Variants in SNX24 observed in about 807,000 individuals in gnomAD.
SNX24 encodes the protein sorting nexin-24.
Under a neutral mutation model 28.7 loss-of-function variants are expected in SNX24, and 22 were observed. The observed-to-expected ratio is 0.77, with a 90% confidence interval of 0.55 to 1.10. The LOEUF (loss-of-function observed/expected upper bound fraction) is 1.10, where lower values mean the gene tolerates loss of function less well. SNX24 is among the 50% of genes least tolerant of loss of function. The pLI is 0.00. For missense variants in SNX24, 221 were observed against 201.1 expected (o/e 1.10, Z -0.60); for synonymous variants, 69 against 71.5 (o/e 0.96, Z 0.18).
chr5:122,947,181 C>T (rs34731044), intron 3 of SNX24, among the ~76,000 whole-genome samples: 3,807 of 152,210 alleles, frequency 0.025, 62 homozygotes, highest in Non-Finnish European at 0.037. Flanking sequence ...TGACTGTGTC[C>T]TCCCTTTGAT....
intron 3 of SNX24, among the ~76,000 whole-genome samples, chr5:122,954,730 A>G (rs993909588): frequency 1.0e-4 from 1 of 9,932 alleles, no homozygotes; most frequent in African/African-American, 1.9e-3. Flanking sequence ...CTGATTTTTA[A>G]AAAAAAATCA....
chr5:122,919,529 TGTG>T (rs1482099072), intron 1 of SNX24, among the ~76,000 whole-genome samples: 2 of 152,038 alleles, frequency 1.3e-5, no homozygotes, highest in African/African-American at 4.8e-5. Flanking sequence ...TAGTAGTTGA[TGTG>T]GTGTTTTGAC....
downstream of SNX24, among the ~76,000 whole-genome samples, chr5:123,013,236 A>G (rs1333814726): frequency 6.6e-6 from 1 of 152,236 alleles, no homozygotes; most frequent in Non-Finnish European, 1.5e-5. Flanking sequence ...TTAAGGCACT[A>G]TGTTAATTAC....
intron 6 of SNX24, 28 bp downstream of exon 6, chr5:123,002,032 C>T (rs770701142): frequency 6.4e-7 from 1 of 1,574,002 alleles, no homozygotes; most frequent in Non-Finnish European, 8.7e-7. Context: ...CTGCTAACAG[C>T]TCTTTACTGA....
Position 123,008,938 on chromosome 5 carries a change from G to A in SNX24, c.*1189G>A, listed in dbSNP as rs537392126. ...ATAGCTAGCCTATTTATGGTTATTCGTTTTAGTAAGTTCTGTGGGAGCAAG... is the reference window on the plus strand; with the variant it reads ...ATAGCTAGCCTATTTATGGTTATTCATTTTAGTAAGTTCTGTGGGAGCAAG... On this transcript the variant is annotated 3_prime_UTR_variant, in exon 7 of 7. Coordinates refer to ENST00000261369, the MANE Select transcript of SNX24 (RefSeq NM_014035.4). 16 of 985,268 alleles carry A rather than the reference G, an allele frequency of 1.6e-5. No homozygotes were observed. The highest frequency in any genetic ancestry group is 1.1e-4 in the East Asian group (1 of 8,810). 61.0% of individuals were successfully genotyped at this position (985,268 alleles called of 1,614,324 possible).
rs76593870 is a variant in SNX24 at position 122,883,185 on chromosome 5, A to G, written c.60+37492A>G. On this transcript the variant is annotated intron_variant, in intron 1 of 6. Coordinates refer to ENST00000261369, the MANE Select transcript of SNX24 (RefSeq NM_014035.4). ...ATCTTGAAATTACACGCAGAATCTT[A>G]TAGTATGTGTGTGCATGTTTCCACA... is the stretch of plus-strand genomic sequence containing the variant. Among the ~76,000 whole-genome samples, 1,291 of 152,318 alleles carry G rather than the reference A, an allele frequency of 8.5e-3. 9 individuals carry two copies. The highest frequency in any genetic ancestry group is 0.059 in the East Asian group (306 of 5,182).
At chr5:123,013,671 A>G (rs1353214066), downstream of SNX24, among the ~76,000 whole-genome samples, 1 of 152,180 alleles carries the variant, frequency 6.6e-6, no homozygotes, top group African/African-American at 2.4e-5. Context: ...GTGGTTGTAA[A>G]TCTGGCCTAT....
At chr5:122,848,885 C>CT (rs897676480) in intron 1 of SNX24, among the ~76,000 whole-genome samples, 5 of 151,962 alleles carry the variant, frequency 3.3e-5, no homozygotes, top group Non-Finnish European at 7.4e-5. Flanking sequence ...TGAGCACATA[C>CT]TTTTTTTTCT....
intron 1 of SNX24, among the ~76,000 whole-genome samples, chr5:122,906,788 A>G (rs1757661597): frequency 6.6e-6 from 1 of 152,246 alleles, no homozygotes; most frequent in Non-Finnish European, 1.5e-5. Context: ...GATTACAGGC[A>G]TGAGCCACCA....
chr5:122,867,282 A>G (rs79535175), intron 1 of SNX24, among the ~76,000 whole-genome samples: 1 of 152,312 alleles, frequency 6.6e-6, no homozygotes, highest in East Asian at 1.9e-4. Flanking sequence ...AATCAGTTCC[A>G]TGGCAGTGGA....
At chr5:123,028,176 C>T (rs995509169) in intron 5 of SNX24, among the ~76,000 whole-genome samples, 1 of 152,222 alleles carries the variant, frequency 6.6e-6, no homozygotes, top group African/African-American at 2.4e-5. Flanking sequence ...CCAAGTAGAA[C>T]TCACTTTCTG....
Position 122,986,560 on chromosome 5 carries a change from A to AT in SNX24, c.250-13349dup, listed in dbSNP as rs199875002. Among the ~76,000 whole-genome samples, 162 of 152,234 alleles carry AT rather than the reference A, an allele frequency of 1.1e-3. No homozygotes were observed. The East Asian group carries it at 0.028, about 26-fold the overall frequency. ...GCTGAGTAAAGTGAGGTTAGAAGTG[A>AT]TTTAGCAACTCAAAAGCAACCTGTG... On this transcript the variant is annotated intron_variant, in intron 3 of 6. Transcript: ENST00000261369.
rs1762500652 is a variant in SNX24, at chr5:123,008,857, A to G, written c.*1108A>G. 1 of 981,774 alleles carries G rather than the reference A, an allele frequency of 1.0e-6. No individual in the cohort carries two copies. 60.8% of individuals were successfully genotyped at this position (981,774 alleles called of 1,614,324 possible). ...CCTTTGAGTAGTAAAGGATAAAAGC[A>G]TATATACTACCTATATGTATGTGCT... On this transcript the variant is annotated 3_prime_UTR_variant, in exon 7 of 7. Transcript: ENST00000261369.
chr5:122,880,769 G>A (rs1321152847), intron 1 of SNX24, among the ~76,000 whole-genome samples: 3 of 152,138 alleles, frequency 2.0e-5, no homozygotes, highest in Non-Finnish European at 4.4e-5. Flanking sequence ...GTAATTATTT[G>A]TAGCTTGTCA....
At chr5:122,917,632 A>G (rs990260685) in intron 1 of SNX24, among the ~76,000 whole-genome samples, 1 of 152,148 alleles carries the variant, frequency 6.6e-6, no homozygotes, top group African/African-American at 2.4e-5. Context: ...GTGCGTCATA[A>G]AATTTTAGGC....
chr5:123,005,050 A>T (rs1348467833), intron 6 of SNX24, among the ~76,000 whole-genome samples: 2 of 152,196 alleles, frequency 1.3e-5, no homozygotes, highest in Non-Finnish European at 2.9e-5. Flanking sequence ...TGAAGCCAAA[A>T]TCCACAGTTT....
intron 3 of SNX24, among the ~76,000 whole-genome samples, chr5:122,994,857 T>A (rs1259807689): frequency 6.6e-6 from 1 of 151,706 alleles, no homozygotes; most frequent in Non-Finnish European, 1.5e-5. Flanking sequence ...AGAAAAATAA[T>A]TTTTTTTTGT....
intron 1 of SNX24, among the ~76,000 whole-genome samples, chr5:122,913,902 G>A (rs558939225): frequency 3.0e-4 from 45 of 152,318 alleles, no homozygotes; most frequent in Middle Eastern, 3.4e-3. Context: ...GCGGTTAGGA[G>A]CTGGAGACCA....
At chr5:122,864,883 G>A (rs1755649864) in intron 1 of SNX24, among the ~76,000 whole-genome samples, 1 of 152,216 alleles carries the variant, frequency 6.6e-6, no homozygotes. Flanking sequence ...GCAAGAAGGA[G>A]GTTTGCTTTG....
Sources: allele counts gnomAD v4.1 joint callset (sites outside exome capture counted in the v4.1 genomes callset), GRCh38; gene constraint gnomAD v4.1.1; transcripts MANE v1.5; gene names NCBI Gene and HGNC (gene_info 2026-07-23, HGNC 2026-07-21).